OPA1: variants seen among roughly 807,000 people sequenced by gnomAD.
OPA1 encodes the protein dynamin-like GTPase OPA1, mitochondrial.
A neutral mutation model predicts 152.9 loss-of-function variants in OPA1; 59 were observed. The ratio of observed to expected loss-of-function variants is 0.39; its 90% CI spans 0.31 to 0.48. The LOEUF (loss-of-function observed/expected upper bound fraction) is 0.48, where lower values mean the gene tolerates loss of function less well. OPA1 is among the 20% of genes least tolerant of loss of function. OPA1 has a pLI of 0.96. For synonymous variants in OPA1, 400 were observed against 389.9 expected, an observed-to-expected ratio of 1.03 and a Z score of -0.31; for missense variants, 1,008 against 1,216.8, an observed-to-expected ratio of 0.83 and a Z score of 2.55.
chr3:193,646,143 T>C (rs1304850067), intron 18 of OPA1, among the ~76,000 whole-genome samples: 2 of 152,186 alleles, frequency 1.3e-5, no homozygotes, highest in Admixed American at 1.3e-4. Flanking sequence ...CTTACAGTAT[T>C]GGGGAAGATT....
intron 11 of OPA1, among the ~76,000 whole-genome samples, chr3:193,640,094 T>C (rs925413345): frequency 1.3e-5 from 2 of 152,088 alleles, no homozygotes; most frequent in African/African-American, 4.8e-5. Flanking sequence ...AACAAGCAGT[T>C]GGGTATACAA....
intron 21 of OPA1, among the ~76,000 whole-genome samples, chr3:193,652,930 A>AG (rs773619843): frequency 6.6e-5 from 10 of 152,250 alleles, no homozygotes; most frequent in Non-Finnish European, 7.4e-5. Flanking sequence ...AAAGGGTGTC[A>AG]GGGATATGGA....
intron 29 of OPA1, among the ~76,000 whole-genome samples, chr3:193,688,449 C>CTTTTTTTTTTTTTTTTTTGTTTTT (rs1721232390): frequency 1.6e-5 from 1 of 63,316 alleles, no homozygotes; most frequent in Non-Finnish European, 3.3e-5. Flanking sequence ...TGGGTCTTTT[C>CTTTTTTTTTTTTTTTTTTGTTTTT]TTTTTTTTTT....
intron 6 of OPA1, among the ~76,000 whole-genome samples, chr3:193,622,950 A>G (rs1158544151): frequency 6.6e-6 from 1 of 152,190 alleles, no homozygotes; most frequent in Non-Finnish European, 1.5e-5. Flanking sequence ...TTTGGCAACC[A>G]TTGAGGAGAA....
chr3:193,621,509 T>C (rs1326713634), intron 6 of OPA1, among the ~76,000 whole-genome samples: 1 of 152,238 alleles, frequency 6.6e-6, no homozygotes, highest in Non-Finnish European at 1.5e-5. Context: ...GGCTAACGAA[T>C]TAATCAAGTT....
chr3:193,617,397 G>A, intron 4 of OPA1, 112 bp downstream of exon 4: 1 of 686,490 alleles, frequency 1.5e-6, no homozygotes, highest in East Asian at 2.7e-5. Flanking sequence ...TAGTACCAAT[G>A]AAAAACAGGA....
chr3:193,666,649 C>CTACAG (rs1716617267), intron 28 of OPA1, among the ~76,000 whole-genome samples: 1 of 152,030 alleles, frequency 6.6e-6, no homozygotes, highest in African/African-American at 2.4e-5. Context: ...ATTAGCCGGG[C>CTACAG]ATGGTGGCAC....
At chr3:193,599,035 C>T (rs1274397755) in intron 1 of OPA1, among the ~76,000 whole-genome samples, 1 of 152,188 alleles carries the variant, frequency 6.6e-6, no homozygotes, top group African/African-American at 2.4e-5. Flanking sequence ...CCTCCTGTGC[C>T]TAGTCTGGCG....
Position 193,593,391 on chromosome 3 carries a change from G to T in OPA1, c.14G>T (p.Arg5Leu). 1 of 1,547,878 alleles carries T rather than the reference G, an allele frequency of 6.5e-7. No individual in the cohort carries two copies. Among genetic ancestry groups the T allele is most frequent in the South Asian group, 1.2e-5 (1 of 83,668 alleles). The change falls in exon 1 of 31, where the codon CGT (arginine) becomes CTT (leucine). Residue 5 changes from arginine (R) to leucine (L), a missense_variant. Physicochemically the swap from Arg to Leu is moderately radical, Grantham distance 102 (BLOSUM62 -2). Around this residue, in one of 7 missense-constraint regions of OPA1, gnomAD observed 408 missense variants for 395.1 expected, o/e 1.03. Transcript: ENST00000361510. MWRL[R>L]RAAVACEVCQ... ...CCCGCCGGCGGGATGTGGCGACTACGTCGGGCCGCTGTGGCCTGGTAAGTG... is the reference window on the plus strand; with the variant it reads ...CCCGCCGGCGGGATGTGGCGACTACTTCGGGCCGCTGTGGCCTGGTAAGTG...
chr3:193,661,519 A>G (rs1040779435), intron 25 of OPA1, among the ~76,000 whole-genome samples: 5 of 152,218 alleles, frequency 3.3e-5, no homozygotes, highest in African/African-American at 1.2e-4. Context: ...GAATATCCCT[A>G]GGTCTCACAT....
At chr3:193,623,458 A>AC (rs965443570) in intron 6 of OPA1, among the ~76,000 whole-genome samples, 1 of 152,190 alleles carries the variant, frequency 6.6e-6, no homozygotes, top group African/African-American at 2.4e-5. Flanking sequence ...ATTAAAAAAA[A>AC]ACAGGACTTT....
intron 1 of OPA1, among the ~76,000 whole-genome samples, chr3:193,596,410 C>CTTTTCTTTTT: frequency 8.0e-6 from 1 of 124,602 alleles, no homozygotes; most frequent in Non-Finnish European, 1.7e-5. Context: ...CTTTTCTTTT[C>CTTTTCTTTTT]TTTTCTTTTC....
At chr3:193,611,201 G>A (rs570209204) in intron 1 of OPA1, among the ~76,000 whole-genome samples, 53 of 152,328 alleles carry the variant, frequency 3.5e-4, no homozygotes, top group Admixed American at 1.2e-3. Context: ...TTTAAAATGA[G>A]AACGAGATGG....
At chr3:193,675,933 T>G (rs1718898929) in intron 29 of OPA1, among the ~76,000 whole-genome samples, 1 of 152,240 alleles carries the variant, frequency 6.6e-6, no homozygotes, top group South Asian at 2.1e-4. Context: ...GGAAACTTTC[T>G]TCTACTCTGT....
Position 193,648,627 on chromosome 3 carries a change from A to G in OPA1, c.1936-168A>G. On this transcript the variant is annotated intron_variant, in intron 20 of 30. Transcript: ENST00000361510. ...TCAGTTTCTTTGTCCTTATCTGCAT[A>G]ATGGCATTCCTAAAAAAAAACACTA... is the stretch of plus-strand genomic sequence containing the variant. 3 of 575,586 alleles carry G rather than the reference A, an allele frequency of 5.2e-6. No individual in the cohort carries two copies. In the South Asian group the frequency reaches 5.9e-5, roughly 11 times the overall value. 35.7% of individuals were successfully genotyped at this position (575,586 alleles called of 1,614,324 possible). A position where few individuals can be genotyped will look rare whatever the true frequency, so the allele number is the denominator to read the frequency against.
At chr3:193,600,640 G>C (rs2108793652) in intron 1 of OPA1, among the ~76,000 whole-genome samples, 1 of 152,340 alleles carries the variant, frequency 6.6e-6, no homozygotes, top group East Asian at 1.9e-4. Context: ...GTTGGAGTAT[G>C]ATAGTGATTA....
intron 1 of OPA1, among the ~76,000 whole-genome samples, chr3:193,597,729 T>A (rs892622243): frequency 2.7e-5 from 4 of 149,704 alleles, no homozygotes; most frequent in Non-Finnish European, 5.9e-5. Context: ...ATCAGGATGG[T>A]TTGGCTTTTA....
chr3:193,631,505 A>G (rs897400095), intron 7 of OPA1, 107 bp from the exon 8 acceptor site: 2 of 739,646 alleles, frequency 2.7e-6, no homozygotes, highest in Admixed American at 4.7e-5. Context: ...AAATATGCAT[A>G]TAAAGTCAGT....
chr3:193,631,795 T>C (rs1732120360), intron 8 of OPA1, 130 bp downstream of exon 8: 1 of 751,798 alleles, frequency 1.3e-6, no homozygotes, highest in Non-Finnish European at 2.4e-6. Context: ...CTTATTATTA[T>C]CGATAGATGC....
Sources: gnomAD v4.1 joint callset for allele counts (sites outside exome capture counted in the v4.1 genomes callset) on GRCh38, gnomAD v4.1.1 for gene constraint, gnomAD v4.1.1 regional missense constraint, MANE v1.5 for transcripts, NCBI Gene and HGNC (gene_info 2026-07-23, HGNC 2026-07-21) for gene names.